Variants in ATF2 observed in about 807,000 individuals in gnomAD.
ATF2 encodes the protein activating transcription factor 2.
Under a neutral mutation model 60.6 loss-of-function variants are expected in ATF2, and 24 were observed. The observed-to-expected ratio is 0.40, with a 90% CI of 0.29 to 0.56. The LOEUF is 0.56. ATF2 is among the 20% of genes least tolerant of loss of function. The pLI, the probability that ATF2 is intolerant of heterozygous loss-of-function variation, is 0.54. For synonymous variants in ATF2, 206 were observed against 215.4 expected (o/e 0.96, Z 0.38); for missense variants, 433 against 607.7 (o/e 0.71, Z 3.02).
chr2:175,078,463 T>C (rs1341679172), intron 13 of ATF2, among the ~76,000 whole-genome samples: 1 of 152,224 alleles, frequency 6.6e-6, no homozygotes, highest in Non-Finnish European at 1.5e-5. Flanking sequence ...AAATGTACTC[T>C]TAGTATTTTC....
intron 10 of ATF2, among the ~76,000 whole-genome samples, chr2:175,104,237 T>C (rs1183799493): frequency 6.6e-6 from 1 of 152,176 alleles, no homozygotes; most frequent in African/African-American, 2.4e-5. Context: ...TCTTCCATGT[T>C]CCAATCCCAT....
Position 175,104,467 on chromosome 2 carries a change from T to TG in ATF2, c.829-6875dup, listed in dbSNP as rs200839316. 1.0e-3 allele frequency among the ~76,000 whole-genome samples: 151 copies of TG among 149,850 alleles called. 1 individual carries two copies. The East Asian group carries it at 0.015, about 15-fold the overall frequency. On this transcript the variant is annotated intron_variant, in intron 10 of 13. Transcript: ENST00000264110. ...TACAAGTTTTAAGGTGGTGGCAGGG[T>TG]GGGGGGGGCGGTGCGCAAACAGGTG...
chr2:175,111,774 G>A (rs139752307), intron 9 of ATF2, 120 bp from the exon 10 acceptor site: 11 of 830,486 alleles, frequency 1.3e-5, no homozygotes, highest in Middle Eastern at 3.0e-4. Context: ...TTTATCACCA[G>A]CTGATTTTAT....
chr2:175,128,346 CA>C (rs976839713), intron 4 of ATF2, among the ~76,000 whole-genome samples: 1 of 152,000 alleles, frequency 6.6e-6, no homozygotes, highest in Non-Finnish European at 1.5e-5. Flanking sequence ...ACTAAAAATA[CA>C]AAATTAGCCA....
At chr2:175,090,631 T>C (rs1348335645) in intron 12 of ATF2, among the ~76,000 whole-genome samples, 5 of 152,170 alleles carry the variant, frequency 3.3e-5, no homozygotes, top group Non-Finnish European at 7.4e-5. Context: ...TCAAAAATAC[T>C]GGTTTTACTT....
At chr2:175,104,477 G>A (rs541524442) in intron 10 of ATF2, among the ~76,000 whole-genome samples, 12 of 152,044 alleles carry the variant, frequency 7.9e-5, no homozygotes, top group East Asian at 1.9e-4. Context: ...TGGGGGGGGC[G>A]GTGCGCAAAC....
At chr2:175,166,272 C>A (rs1700343900) in intron 1 of ATF2, among the ~76,000 whole-genome samples, 1 of 152,220 alleles carries the variant, frequency 6.6e-6, no homozygotes, top group African/African-American at 2.4e-5. Flanking sequence ...CAGTAGCATT[C>A]TCTCAAAGCA....
At chr2:175,087,654 G>A (rs780010944) in intron 12 of ATF2, among the ~76,000 whole-genome samples, 5 of 152,090 alleles carry the variant, frequency 3.3e-5, no homozygotes, top group Non-Finnish European at 7.4e-5. Flanking sequence ...TTATTTTGCG[G>A]AATTTCTCAT....
At position 175,073,823 on chromosome 2, in the gene ATF2, T is replaced by G. The variant is rs1475428316; in HGVS notation, c.*786A>C. 2 of 152,284 alleles carry G rather than the reference T, an allele frequency of 1.3e-5. No individual in the cohort carries two copies. Among genetic ancestry groups the G allele is most frequent in the African/African-American group, 4.8e-5 (2 of 41,574 alleles). 9.4% of individuals were successfully genotyped at this position (152,284 alleles called of 1,614,324 possible). Reference sequence around the variant, plus strand: ...ATTTCAAAAATTATTAGATATTTGATAACCCTGTATCATACATTATATAAT... The same window carrying G: ...ATTTCAAAAATTATTAGATATTTGAGAACCCTGTATCATACATTATATAAT... On this transcript the variant is annotated 3_prime_UTR_variant, in exon 14 of 14. Transcript: ENST00000264110.
At chr2:175,146,779 A>C (rs1698986233) in intron 2 of ATF2, among the ~76,000 whole-genome samples, 1 of 151,844 alleles carries the variant, frequency 6.6e-6, no homozygotes, top group Non-Finnish European at 1.5e-5. Flanking sequence ...TATATATGCT[A>C]CCTGCTCATT....
intron 10 of ATF2, among the ~76,000 whole-genome samples, chr2:175,109,314 TA>T (rs1206643461): frequency 6.6e-6 from 1 of 150,578 alleles, no homozygotes; most frequent in East Asian, 2.0e-4. Context: ...CACTCAGCAA[TA>T]AAAAGAAGCA....
At chr2:175,097,624 T>C in intron 10 of ATF2, 31 bp from the exon 11 acceptor site, 1 of 1,610,160 alleles carries the variant, frequency 6.2e-7, no homozygotes, top group Non-Finnish European at 8.5e-7. Flanking sequence ...AAAATTTTTT[T>C]TAAGTCCTTA....
chr2:175,152,222 CA>C lies in ATF2; in HGVS notation c.-142-1065del, dbSNP rs1699357746. 2.6e-5 allele frequency among the ~76,000 whole-genome samples: 4 copies of C among 152,224 alleles called. No homozygotes were observed. In the South Asian group the frequency reaches 8.3e-4, roughly 32 times the overall value. Reference sequence around the variant, plus strand: ...AACTACTAAAGAGAGTTTTCGAAAGCAGAAGGTCCTGTCAGGAGCCAAGACT... The same window carrying C: ...AACTACTAAAGAGAGTTTTCGAAAGCGAAGGTCCTGTCAGGAGCCAAGACT... On this transcript the variant is annotated intron_variant, in intron 1 of 13. Coordinates refer to ENST00000264110, the MANE Select transcript of ATF2 (RefSeq NM_001880.4).
chr2:175,118,440 TAAC>T (rs1340779848), intron 5 of ATF2, 71 bp from the exon 6 acceptor site: 1 of 1,278,048 alleles, frequency 7.8e-7, no homozygotes, highest in African/African-American at 1.5e-5. Context: ...GCTACTAAGT[TAAC>T]AAATTAGCAG....
rs1206496069 is a variant in ATF2, at chr2:175,144,261, G to C, written c.-44+6799C>G. Reference sequence around the variant, plus strand: ...AAATGAGGAGACTGAGGTCTGAAAGGGTAAAATGACTTATTCGAGGTCAAA... The same window carrying C: ...AAATGAGGAGACTGAGGTCTGAAAGCGTAAAATGACTTATTCGAGGTCAAA... On this transcript the variant is annotated intron_variant, in intron 2 of 13. Coordinates refer to ENST00000264110, the MANE Select transcript of ATF2 (RefSeq NM_001880.4). 2.0e-5 allele frequency among the ~76,000 whole-genome samples: 3 copies of C among 151,920 alleles called. No individual in the cohort carries two copies. The East Asian group carries it at 5.8e-4, about 29-fold the overall frequency.
chr2:175,116,529 T>C (rs1696581498), intron 7 of ATF2, among the ~76,000 whole-genome samples: 1 of 152,006 alleles, frequency 6.6e-6, no homozygotes, highest in Non-Finnish European at 1.5e-5. Context: ...TCTGGCAATC[T>C]GGTGAGATAC....
Position 175,093,233 on chromosome 2 carries a change from C to T in ATF2, c.1013G>A (p.Ser338Asn), listed in dbSNP as rs138225471. 2.0e-4 allele frequency: 324 copies of T among 1,613,910 alleles called. No homozygotes were observed. The highest frequency in any genetic ancestry group is 2.6e-4 in the Non-Finnish European group (312 of 1,180,010). Residue 338 changes from serine to asparagine, a missense_variant, in exon 12 of 14, where the codon AGT (serine) becomes AAT (asparagine). Ser to Asn is a conservative substitution (Grantham distance 46, BLOSUM62 1). Coordinates refer to ENST00000264110, the MANE Select transcript of ATF2 (RefSeq NM_001880.4). Reference protein sequence around the residue: ...SPAHTTPQTQSTSGRRRRAAN... With the variant: ...SPAHTTPQTQNTSGRRRRAAN... ...TGCTCTTCTCCGACGACCACTTGTA[C>T]TTTGGGTCTGTGGAGTTGTGTGAGC...
intron 1 of ATF2, among the ~76,000 whole-genome samples, chr2:175,151,982 T>C (rs1466535485): frequency 6.6e-6 from 1 of 152,216 alleles, no homozygotes; most frequent in Non-Finnish European, 1.5e-5. Context: ...AACTTTTATT[T>C]ACATTTCATG....
In ATF2 at chr2:175,116,906, A is replaced by G. The variant is rs542355416; in HGVS notation, c.447+1084T>C. ...AAGAACAGGATAACATAATACATAT[A>G]CATATCATATAATAAAATAAAGTAC... On this transcript the variant is annotated intron_variant, in intron 7 of 13. Transcript: ENST00000264110. 9.9e-5 allele frequency among the ~76,000 whole-genome samples: 15 copies of G among 152,170 alleles called. No individual in the cohort carries two copies. In the South Asian group the frequency reaches 3.1e-3, roughly 31 times the overall value.
Sources: allele counts gnomAD v4.1 joint callset (sites outside exome capture counted in the v4.1 genomes callset), GRCh38; gene constraint gnomAD v4.1.1; transcripts MANE v1.5; gene names NCBI Gene and HGNC (gene_info 2026-07-23, HGNC 2026-07-21).